CCDC91: variants seen among roughly 807,000 people sequenced by gnomAD.
CCDC91 encodes the protein coiled-coil domain containing 91.
Under a neutral mutation model 63.2 loss-of-function variants are expected in CCDC91, and 48 were observed. The ratio of observed to expected loss-of-function variants is 0.76; its 90% CI spans 0.60 to 0.97. CCDC91 has a LOEUF of 0.97. Among genes scored for constraint, CCDC91 ranks in the 50% least tolerant of loss-of-function variants. The pLI is 0.00. For missense variants in CCDC91, 500 were observed against 494.6 expected, an observed-to-expected ratio of 1.01 and a Z score of -0.10; for synonymous variants, 167 against 165.8, an observed-to-expected ratio of 1.01 and a Z score of -0.06.
chr12:28,382,448 A>G (rs577076967), intron 7 of CCDC91, among the ~76,000 whole-genome samples: 1 of 152,182 alleles, frequency 6.6e-6, no homozygotes, highest in African/African-American at 2.4e-5. Context: ...AGAATACAGG[A>G]TTTCACCATT....
intron 3 of CCDC91, chr12:28,302,729 A>G: frequency 1.4e-6 from 1 of 728,778 alleles, no homozygotes; most frequent in South Asian, 6.2e-5. Flanking sequence ...GATGGAAAAC[A>G]TGAAGCAAAG....
At chr12:28,471,970 C>T (rs1283251720) in intron 11 of CCDC91, among the ~76,000 whole-genome samples, 4 of 152,120 alleles carry the variant, frequency 2.6e-5, no homozygotes, top group Non-Finnish European at 5.9e-5. Context: ...AGGCTGGTCT[C>T]GAACTCCTGC....
At chr12:28,380,529 T>C (rs1446695625) in intron 7 of CCDC91, among the ~76,000 whole-genome samples, 1 of 152,128 alleles carries the variant, frequency 6.6e-6, no homozygotes, top group Non-Finnish European at 1.5e-5. Context: ...AATTACAGAT[T>C]TCTGCTCATT....
At position 28,398,501 on chromosome 12, in the gene CCDC91, A is replaced by G. The variant is rs139244817; in HGVS notation, c.762+7090A>G. 4.3e-3 allele frequency among the ~76,000 whole-genome samples: 659 copies of G among 152,238 alleles called. 7 individuals are homozygous for G. The highest frequency in any genetic ancestry group is 7.0e-3 in the Non-Finnish European group (475 of 67,992). On this transcript the variant is annotated intron_variant, in intron 8 of 12. Coordinates refer to ENST00000536442, the MANE Select transcript of CCDC91 (RefSeq NM_018318.5). Reference sequence around the variant, plus strand: ...TTGCATATAAACTGTGTGGGGATATATATGTTTTTATTTTTGTTTGTAAAT... The same window carrying G: ...TTGCATATAAACTGTGTGGGGATATGTATGTTTTTATTTTTGTTTGTAAAT...
chr12:28,449,761 C>T (rs1371314000), intron 8 of CCDC91, among the ~76,000 whole-genome samples: 2 of 151,914 alleles, frequency 1.3e-5, no homozygotes, highest in Admixed American at 6.6e-5. Flanking sequence ...GATAGTTGTT[C>T]ATCAAGCAGA....
chr12:28,382,675 C>T (rs923079951), intron 7 of CCDC91, among the ~76,000 whole-genome samples: 12 of 151,980 alleles, frequency 7.9e-5, no homozygotes, highest in South Asian at 2.1e-4. Flanking sequence ...AAGAGTATAC[C>T]GCCTCCTTGC....
At chr12:28,446,692 T>C (rs1219530055) in intron 8 of CCDC91, among the ~76,000 whole-genome samples, 2 of 152,150 alleles carry the variant, frequency 1.3e-5, no homozygotes, top group Non-Finnish European at 2.9e-5. Context: ...CTCTAACTCC[T>C]GGACTCAAGT....
intron 3 of CCDC91, among the ~76,000 whole-genome samples, chr12:28,294,735 C>T (rs1219121772): frequency 1.3e-5 from 2 of 152,078 alleles, no homozygotes; most frequent in African/African-American, 2.4e-5. Context: ...CAGGCAGGTG[C>T]CACTACACCC....
At chr12:28,424,692 AC>A (rs1191567158) in intron 8 of CCDC91, among the ~76,000 whole-genome samples, 1 of 152,150 alleles carries the variant, frequency 6.6e-6, no homozygotes, top group East Asian at 1.9e-4. Flanking sequence ...TGGGTAGAAC[AC>A]ATTTCTTTCT....
chr12:28,371,519 A>G (rs1944622030), intron 7 of CCDC91, among the ~76,000 whole-genome samples: 1 of 152,188 alleles, frequency 6.6e-6, no homozygotes, highest in South Asian at 2.1e-4. Flanking sequence ...CTTTGAACCA[A>G]TTTGTGTCTT....
chr12:28,208,153 C>G (rs1211085437), intron 1 of CCDC91, among the ~76,000 whole-genome samples: 1 of 152,186 alleles, frequency 6.6e-6, no homozygotes, highest in Non-Finnish European at 1.5e-5. Flanking sequence ...TTTCAGGGTC[C>G]TCTCCATCTT....
intron 6 of CCDC91, among the ~76,000 whole-genome samples, chr12:28,361,087 T>C (rs929319845): frequency 6.6e-6 from 1 of 151,710 alleles, no homozygotes; most frequent in Non-Finnish European, 1.5e-5. Flanking sequence ...TATTTATAGA[T>C]TATATAATGT....
chr12:28,273,842 T>G (rs1243732515), intron 3 of CCDC91, among the ~76,000 whole-genome samples: 1 of 152,210 alleles, frequency 6.6e-6, no homozygotes, highest in Non-Finnish European at 1.5e-5. Context: ...CTCTTTAGTT[T>G]AATTAGATCC....
chr12:28,503,497 C>G (rs1170422837), intron 12 of CCDC91, among the ~76,000 whole-genome samples: 2 of 152,024 alleles, frequency 1.3e-5, no homozygotes, highest in Non-Finnish European at 2.9e-5. Flanking sequence ...GGACTGTAAA[C>G]TAGTTCAACC....
rs571624393 is a variant in CCDC91 at position 28,267,921 on chromosome 12, T to A, written c.109+8479T>A. Among the ~76,000 whole-genome samples the A allele has an allele frequency of 2.4e-3, 154 of 64,298 alleles. 2 individuals carry two copies. The highest frequency in any genetic ancestry group is 5.4e-3 in the African/African-American group (108 of 20,086). The allele number at this position is 64,298 out of a possible 152,430, so 42.2% of individuals were successfully genotyped here. On this transcript the variant is annotated intron_variant, in intron 3 of 12. Transcript: ENST00000536442. ...ATATAATTATATTATATATAATTATTATAATTATATATAATTATATATAAT... is the reference window on the plus strand; with the variant it reads ...ATATAATTATATTATATATAATTATAATAATTATATATAATTATATATAAT...
intron 6 of CCDC91, chr12:28,319,424 A>G (rs1344050108): frequency 2.0e-5 from 3 of 151,990 alleles, no homozygotes; most frequent in African/African-American, 7.2e-5. Flanking sequence ...TCCGCCTTGG[A>G]TAAACCTCAT....
intron 3 of CCDC91, 68 bp downstream of exon 3, chr12:28,259,510 GAAACCCTA>G: frequency 2.1e-6 from 2 of 943,552 alleles, no homozygotes; most frequent in Admixed American, 2.1e-5. Context: ...GCAACTCTTT[GAAACCCTA>G]TTTCTCAACT....
intron 12 of CCDC91, among the ~76,000 whole-genome samples, chr12:28,491,858 ATT>A (rs893992913): frequency 4.5e-5 from 4 of 88,374 alleles, no homozygotes; most frequent in African/African-American, 1.8e-4. Flanking sequence ...GAAGTCAAAA[ATT>A]TTGTGTGTGT....
chr12:28,448,647 A>G (rs1949653019), intron 8 of CCDC91, among the ~76,000 whole-genome samples: 1 of 152,094 alleles, frequency 6.6e-6, no homozygotes, highest in Non-Finnish European at 1.5e-5. Flanking sequence ...TTGACTTCTA[A>G]CATTACCAGT....
Sources: allele counts gnomAD v4.1 joint callset (sites outside exome capture counted in the v4.1 genomes callset), GRCh38; gene constraint gnomAD v4.1.1; transcripts MANE v1.5; gene names NCBI Gene and HGNC (gene_info 2026-07-23, HGNC 2026-07-21).